ASIC2: variants seen among roughly 807,000 people sequenced by gnomAD.
ASIC2 encodes acid-sensing ion channel 2.
Under a neutral mutation model 57.3 loss-of-function variants are expected in ASIC2, and 25 were observed. The observed-to-expected ratio is 0.44, with a 90% CI of 0.32 to 0.61. The LOEUF (loss-of-function observed/expected upper bound fraction) is 0.61. Among genes scored for constraint, ASIC2 ranks in the 20% least tolerant of loss-of-function variants. The probability of loss-of-function intolerance (pLI) is 0.06; values close to 1 mark genes in which losing one functional copy is unlikely to be tolerated. For synonymous variants in ASIC2, 319 were observed against 307.5 expected, an observed-to-expected ratio of 1.04 and a Z score of -0.39; for missense variants, 641 against 738.1, an observed-to-expected ratio of 0.87 and a Z score of 1.52.
intron 1 of ASIC2, among the ~76,000 whole-genome samples, chr17:33,401,941 A>T (rs372586129): frequency 6.6e-6 from 1 of 152,216 alleles, no homozygotes; most frequent in Non-Finnish European, 1.5e-5. Flanking sequence ...TTTAAATGAC[A>T]CGAATGACCC....
At chr17:33,245,529 G>A (rs1219253438) in intron 1 of ASIC2, among the ~76,000 whole-genome samples, 1 of 152,160 alleles carries the variant, frequency 6.6e-6, no homozygotes, top group Non-Finnish European at 1.5e-5. Context: ...GGCAGACAAT[G>A]CACAAATAAA....
chr17:33,804,523 A>G (rs1020039179), intron 1 of ASIC2, among the ~76,000 whole-genome samples: 5 of 152,188 alleles, frequency 3.3e-5, no homozygotes, highest in African/African-American at 1.2e-4. Context: ...GGTTAAAGCA[A>G]AAGTCTCCGC....
At chr17:33,459,322 C>T (rs1385044722) in intron 1 of ASIC2, among the ~76,000 whole-genome samples, 3 of 152,054 alleles carry the variant, frequency 2.0e-5, no homozygotes, top group Admixed American at 2.0e-4. Context: ...GTTCAAGGCA[C>T]ATCTTGTCCC....
chr17:33,422,651 A>G (rs1316916831), intron 1 of ASIC2, among the ~76,000 whole-genome samples: 2 of 152,168 alleles, frequency 1.3e-5, no homozygotes, highest in Non-Finnish European at 2.9e-5. Context: ...GGGCTGATGC[A>G]GATGCTGTGG....
At chr17:33,212,120 C>G (rs941549052) in intron 1 of ASIC2, among the ~76,000 whole-genome samples, 8 of 152,204 alleles carry the variant, frequency 5.3e-5, no homozygotes, top group African/African-American at 1.9e-4. Context: ...CATTTTGTTA[C>G]TATGAGTGGT....
At chr17:33,587,199 T>A (rs997877314) in intron 1 of ASIC2, among the ~76,000 whole-genome samples, 1 of 152,222 alleles carries the variant, frequency 6.6e-6, no homozygotes, top group East Asian at 1.9e-4. Flanking sequence ...AGAGATCATA[T>A]AGCCTGCAAT....
intron 1 of ASIC2, among the ~76,000 whole-genome samples, chr17:33,193,431 T>G (rs1906505489): frequency 6.6e-6 from 1 of 152,144 alleles, no homozygotes; most frequent in South Asian, 2.1e-4. Context: ...CTCACATCCC[T>G]CCGGAGGCTT....
chr17:33,683,826 T>C (rs537936018), intron 1 of ASIC2, among the ~76,000 whole-genome samples: 1 of 152,324 alleles, frequency 6.6e-6, no homozygotes, highest in African/African-American at 2.4e-5. Context: ...CTCCCCTTTT[T>C]AGAAGGACAC....
intron 1 of ASIC2, among the ~76,000 whole-genome samples, chr17:33,826,315 C>T (rs1912908320): frequency 6.6e-6 from 1 of 152,204 alleles, no homozygotes; most frequent in East Asian, 1.9e-4. Flanking sequence ...TTGCCACCTT[C>T]ATGGCATATG....
intron 1 of ASIC2, among the ~76,000 whole-genome samples, chr17:33,318,618 T>C (rs956907057): frequency 1.3e-5 from 2 of 152,184 alleles, no homozygotes; most frequent in Non-Finnish European, 2.9e-5. Context: ...TAAATAAATA[T>C]AGCAGGATGA....
chr17:33,554,105 C>A (rs1915832721), intron 1 of ASIC2, among the ~76,000 whole-genome samples: 1 of 152,232 alleles, frequency 6.6e-6, no homozygotes, highest in Non-Finnish European at 1.5e-5. Flanking sequence ...AGACCCAATT[C>A]TCTAATGCCT....
chr17:33,847,614 G>A (rs1913646861), intron 1 of ASIC2, among the ~76,000 whole-genome samples: 2 of 152,162 alleles, frequency 1.3e-5, no homozygotes, highest in African/African-American at 4.8e-5. Flanking sequence ...TAGTATATGG[G>A]ACACAGCTTA....
chr17:33,724,188 AC>A (rs1347055461), intron 1 of ASIC2, among the ~76,000 whole-genome samples: 1 of 152,070 alleles, frequency 6.6e-6, no homozygotes, highest in Admixed American at 6.6e-5. Context: ...ATAAGACATG[AC>A]TTTCATTTTC....
chr17:33,215,844 C>T (rs1158213816), intron 1 of ASIC2, among the ~76,000 whole-genome samples: 1 of 152,046 alleles, frequency 6.6e-6, no homozygotes, highest in African/African-American at 2.4e-5. Context: ...GGACTACAGG[C>T]GCCCGCCACC....
intron 1 of ASIC2, among the ~76,000 whole-genome samples, chr17:33,810,769 T>A (rs984454003): frequency 6.6e-6 from 1 of 152,194 alleles, no homozygotes; most frequent in African/African-American, 2.4e-5. Flanking sequence ...AATGTTTTTA[T>A]GTAAAAAAGA....
intron 1 of ASIC2, among the ~76,000 whole-genome samples, chr17:33,305,760 T>TA (rs990985998): frequency 1.3e-5 from 2 of 151,986 alleles, no homozygotes; most frequent in South Asian, 2.1e-4. Context: ...ATGGTTTCAT[T>TA]AAAAAAAAGT....
At chr17:33,879,380 AC>A (rs756296178) in intron 1 of ASIC2, among the ~76,000 whole-genome samples, 4 of 152,252 alleles carry the variant, frequency 2.6e-5, no homozygotes, top group Non-Finnish European at 4.4e-5. Context: ...GTGCAGAGAC[AC>A]ACATAGGCTC....
chr17:33,494,153 G>A (rs1913853467), intron 1 of ASIC2, among the ~76,000 whole-genome samples: 1 of 152,214 alleles, frequency 6.6e-6, no homozygotes, highest in Non-Finnish European at 1.5e-5. Flanking sequence ...AGGAACCACT[G>A]CCTTTCCCCA....
At chr17:33,164,435 C>T (rs2346683) in intron 1 of ASIC2, among the ~76,000 whole-genome samples, 3 of 151,738 alleles carry the variant, frequency 2.0e-5, no homozygotes, top group African/African-American at 4.8e-5. Flanking sequence ...TTATTGCTGG[C>T]GGGTAATTGG....
Sources: gnomAD v4.1 joint callset for allele counts (sites outside exome capture counted in the v4.1 genomes callset) on GRCh38, gnomAD v4.1.1 for gene constraint, MANE v1.5 for transcripts, NCBI Gene and HGNC (gene_info 2026-07-23, HGNC 2026-07-21) for gene names.